The following FRMPD4 variants were observed in gnomAD, a reference collection of about 807,000 sequenced individuals.
The protein encoded by FRMPD4 is FERM and PDZ domain containing 4, also known as FERM and PDZ domain-containing protein 4.
FRMPD4 carries 22 observed loss-of-function variants against 94.1 expected under a neutral mutation model. The ratio of observed to expected loss-of-function variants is 0.23; its 90% CI spans 0.17 to 0.33. FRMPD4 has a LOEUF of 0.33. Ranked by LOEUF, FRMPD4 falls within the 10% of genes least tolerant of loss-of-function variation. FRMPD4 has a pLI of 1.00. For synonymous variants in FRMPD4, 631 were observed against 548.6 expected (o/e 1.15, Z -2.10); for missense variants, 1,111 against 1,339.9 (o/e 0.83, Z 2.67).
chrX:12,701,822 G>C, intron 9 of FRMPD4, 52 bp from the exon 10 acceptor site: 1 of 1,180,469 alleles, frequency 8.5e-7, no homozygotes, highest in South Asian at 1.8e-5. Flanking sequence ...GTAAGTCCAC[G>C]CGCTGCGGCC....
intron 3 of FRMPD4, among the ~76,000 whole-genome samples, chrX:11,997,930 G>C (rs2054505133): frequency 9.0e-6 from 1 of 111,122 alleles, no homozygotes; most frequent in African/African-American, 3.3e-5. Context: ...CCTTTACATG[G>C]CTCCCTGCTT....
chrX:12,415,831 A>G (rs2056792956), intron 1 of FRMPD4, among the ~76,000 whole-genome samples: 1 of 112,271 alleles, frequency 8.9e-6, no homozygotes, highest in South Asian at 3.7e-4. Flanking sequence ...ACTTTGAAAT[A>G]TGTTTCTAAC....
At chrX:11,955,081 G>A (rs144165847) in intron 3 of FRMPD4, among the ~76,000 whole-genome samples, 1 of 110,961 alleles carries the variant, frequency 9.0e-6, no homozygotes, top group South Asian at 3.8e-4. Flanking sequence ...TCTTATAGAC[G>A]GTGCATTCTC....
chrX:12,105,659 CT>C (rs1887931947), intron 3 of FRMPD4, among the ~76,000 whole-genome samples: 1 of 112,243 alleles, frequency 8.9e-6, no homozygotes, highest in South Asian at 3.7e-4. Context: ...AATAGTTTGT[CT>C]GTTTTGTATA....
At chrX:12,477,714 T>C (rs2057621843) in intron 1 of FRMPD4, among the ~76,000 whole-genome samples, 1 of 112,934 alleles carries the variant, frequency 8.9e-6, no homozygotes. Flanking sequence ...TTGACAAATA[T>C]TTGTTACATG....
intron 1 of FRMPD4, among the ~76,000 whole-genome samples, chrX:12,431,877 T>TCTGC (rs1017993930): frequency 1.8e-5 from 2 of 112,256 alleles, no homozygotes; most frequent in African/African-American, 6.5e-5. Flanking sequence ...ATGTGTCATT[T>TCTGC]CTGCCTTATC....
intron 4 of FRMPD4, among the ~76,000 whole-genome samples, chrX:12,616,781 G>A (rs986975813): frequency 1.8e-5 from 2 of 112,347 alleles, no homozygotes; most frequent in African/African-American, 3.2e-5. Flanking sequence ...GCCTTCTATC[G>A]GCTTGCATCC....
chrX:11,929,931 A>T (rs1408336435), intron 3 of FRMPD4, among the ~76,000 whole-genome samples: 2 of 108,244 alleles, frequency 1.8e-5, no homozygotes, highest in African/African-American at 6.7e-5. Context: ...AACATGGTGA[A>T]ACCCCGTCTC....
chrX:12,173,695 G>A (rs1780322752), intron 1 of FRMPD4, among the ~76,000 whole-genome samples: 1 of 111,281 alleles, frequency 9.0e-6, no homozygotes, highest in Non-Finnish European at 1.9e-5. Flanking sequence ...ACATTAAAGT[G>A]GGGCCTCTGG....
intron 2 of FRMPD4, among the ~76,000 whole-genome samples, chrX:12,592,017 A>G (rs1056764317): frequency 9.0e-6 from 1 of 111,611 alleles, no homozygotes; most frequent in Non-Finnish European, 1.9e-5. Context: ...GGTCGTAGGA[A>G]CCAGAACCCA....
At chrX:12,522,410 G>C (rs772881581) in intron 2 of FRMPD4, among the ~76,000 whole-genome samples, 130 of 111,107 alleles carry the variant, frequency 1.2e-3, no homozygotes, top group Non-Finnish European at 1.8e-3. Context: ...AAGCCATTCA[G>C]GGTACAGGGC....
intron 3 of FRMPD4, among the ~76,000 whole-genome samples, chrX:11,889,564 T>C (rs2053863148): frequency 8.9e-6 from 1 of 112,582 alleles, no homozygotes; most frequent in African/African-American, 3.2e-5. Flanking sequence ...TATTATCTCC[T>C]ATGTGAGCAG....
At chrX:12,047,843 T>C (rs780780497) in intron 3 of FRMPD4, among the ~76,000 whole-genome samples, 1 of 112,646 alleles carries the variant, frequency 8.9e-6, no homozygotes, top group East Asian at 2.8e-4. Flanking sequence ...TTTTTATAGC[T>C]GCATAGTATT....
chrX:12,504,143 A>C (rs1201024020), intron 2 of FRMPD4, among the ~76,000 whole-genome samples: 3 of 112,626 alleles, frequency 2.7e-5, no homozygotes, highest in African/African-American at 9.7e-5. Context: ...TGCTAATAAA[A>C]TGCTGCAGGT....
At chrX:12,329,246 C>T (rs5935300) in intron 1 of FRMPD4, among the ~76,000 whole-genome samples, 30,087 of 110,625 alleles carry the variant, frequency 0.27, 4,065 homozygotes, top group African/African-American at 0.52. Flanking sequence ...GAATGGGGGG[C>T]CTTAGGACCT....
intron 3 of FRMPD4, among the ~76,000 whole-genome samples, chrX:12,058,500 C>G (rs2054867131): frequency 9.0e-6 from 1 of 110,627 alleles, no homozygotes; most frequent in South Asian, 3.9e-4. Flanking sequence ...AATAAAATGG[C>G]TTTAAGCTCA....
At chrX:12,597,294 A>G (rs186999277) in intron 2 of FRMPD4, among the ~76,000 whole-genome samples, 1 of 112,715 alleles carries the variant, frequency 8.9e-6, no homozygotes, top group East Asian at 2.8e-4. Flanking sequence ...ACATTTTGCC[A>G]GCTCTCAATT....
At chrX:12,285,431 T>C (rs4405092) in intron 1 of FRMPD4, among the ~76,000 whole-genome samples, 7,024 of 111,048 alleles carry the variant, frequency 0.063, 545 homozygotes, top group African/African-American at 0.22. Context: ...TGTTATTTGA[T>C]TTTTTTTCAT....
intron 1 of FRMPD4, among the ~76,000 whole-genome samples, chrX:12,168,364 T>TG (rs34177625): frequency 1.2e-5 from 1 of 85,626 alleles, no homozygotes; most frequent in Non-Finnish European, 2.5e-5. Context: ...AAAGCCAGAT[T>TG]GGGAAAAAAA....
Sources: allele counts gnomAD v4.1 joint callset (sites outside exome capture counted in the v4.1 genomes callset), GRCh38; gene constraint gnomAD v4.1.1; transcripts MANE v1.5; gene names NCBI Gene and HGNC (gene_info 2026-07-23, HGNC 2026-07-21).